LRRIQ3: variants seen among roughly 807,000 people sequenced by gnomAD.
LRRIQ3 encodes the protein leucine-rich repeat and IQ domain-containing protein 3.
Under a neutral mutation model 59.3 loss-of-function variants are expected in LRRIQ3, and 75 were observed. That is an observed-to-expected ratio of 1.26 (90% CI 1.05 to 1.53). The LOEUF is 1.53. Among genes scored for constraint, LRRIQ3 ranks in the 40% most tolerant of loss-of-function variants. The pLI is 0.00. For missense variants in LRRIQ3, 831 were observed against 710.0 expected (o/e 1.17, Z -1.94); for synonymous variants, 250 against 231.3 (o/e 1.08, Z -0.73).
At chr1:74,086,134 C>A (rs1312097693) in intron 5 of LRRIQ3, among the ~76,000 whole-genome samples, 1 of 152,070 alleles carries the variant, frequency 6.6e-6, no homozygotes, top group East Asian at 1.9e-4. Flanking sequence ...AACAGCCTAA[C>A]ATATAATGCT....
intron 6 of LRRIQ3, 94 bp from the exon 7 acceptor site, chr1:74,042,027 T>G (rs7538410): frequency 0.91 from 1,125,719 of 1,235,450 alleles, 515,126 homozygotes; most frequent in East Asian, 0.97. Context: ...ATAAGAACCT[T>G]TTATTTACTT....
chr1:74,185,850 G>A (rs573711395), intron 1 of LRRIQ3, among the ~76,000 whole-genome samples: 2 of 152,004 alleles, frequency 1.3e-5, no homozygotes, highest in African/African-American at 4.8e-5. Context: ...GGCTGAGGCA[G>A]GAGAATGGTG....
At position 74,077,049 on chromosome 1, in the gene LRRIQ3, G is replaced by T. The variant is rs369221563; in HGVS notation, c.868-2259C>A. ...AAAATATGACACAATTTTAAGTAAT[G>T]CTGCTTCTATTTTCATTTAGGCCCT... is the stretch of plus-strand genomic sequence containing the variant. On this transcript the variant is annotated intron_variant, in intron 5 of 7. Transcript: ENST00000354431. Among the ~76,000 whole-genome samples the T allele has an allele frequency of 1.2e-3, 182 of 152,092 alleles. 1 individual carries two copies. The highest frequency in any genetic ancestry group is 4.3e-3 in the African/African-American group (179 of 41,534).
At chr1:74,046,704 T>TGTAG (rs1654214702) in intron 6 of LRRIQ3, among the ~76,000 whole-genome samples, 1 of 152,070 alleles carries the variant, frequency 6.6e-6, no homozygotes, top group African/African-American at 2.4e-5. Context: ...GTCCATCTGA[T>TGTAG]GTAGGCCTAA....
intron 7 of LRRIQ3, among the ~76,000 whole-genome samples, chr1:74,030,995 A>G (rs1156697634): frequency 6.6e-6 from 1 of 152,234 alleles, no homozygotes; most frequent in Non-Finnish European, 1.5e-5. Flanking sequence ...TATGCAGCCA[A>G]CAGACACATG....
chr1:74,076,886 T>C (rs1436322928), intron 5 of LRRIQ3, among the ~76,000 whole-genome samples: 1 of 152,114 alleles, frequency 6.6e-6, no homozygotes, highest in Non-Finnish European at 1.5e-5. Context: ...TCACTCTTTA[T>C]GTGATAAAAT....
At chr1:74,062,859 A>G (rs1415816022) in intron 6 of LRRIQ3, among the ~76,000 whole-genome samples, 5 of 151,990 alleles carry the variant, frequency 3.3e-5, no homozygotes, top group African/African-American at 1.2e-4. Flanking sequence ...GAGGGTGAGG[A>G]GTGAAAAAAT....
chr1:74,167,803 A>G (rs1049248197), intron 3 of LRRIQ3, among the ~76,000 whole-genome samples: 7 of 151,798 alleles, frequency 4.6e-5, no homozygotes, highest in African/African-American at 1.7e-4. Context: ...ACAATTAAAA[A>G]CATAAAATAA....
chr1:74,093,898 C>A (rs1483533879), intron 5 of LRRIQ3, among the ~76,000 whole-genome samples: 1 of 152,082 alleles, frequency 6.6e-6, no homozygotes, highest in African/African-American at 2.4e-5. Context: ...TCCTAATCCC[C>A]TGAACCCTGT....
At chr1:74,106,450 T>C (rs1451476227) in intron 5 of LRRIQ3, among the ~76,000 whole-genome samples, 1 of 152,022 alleles carries the variant, frequency 6.6e-6, no homozygotes, top group Non-Finnish European at 1.5e-5. Flanking sequence ...TATTTCCTTT[T>C]GGCTCCCATG....
At chr1:74,072,658 A>T (rs1655060778) in intron 6 of LRRIQ3, among the ~76,000 whole-genome samples, 1 of 152,062 alleles carries the variant, frequency 6.6e-6, no homozygotes, top group Admixed American at 6.6e-5. Context: ...GGGGCAATTT[A>T]TGCTCACATT....
At chr1:74,061,620 T>G (rs1381791740) in intron 6 of LRRIQ3, among the ~76,000 whole-genome samples, 1 of 152,112 alleles carries the variant, frequency 6.6e-6, no homozygotes, top group African/African-American at 2.4e-5. Flanking sequence ...ATTAAATACT[T>G]AAATGTAAAA....
intron 3 of LRRIQ3, among the ~76,000 whole-genome samples, chr1:74,157,424 G>A (rs983944307): frequency 1.3e-5 from 2 of 152,028 alleles, no homozygotes; most frequent in African/African-American, 4.8e-5. Flanking sequence ...AGCACTATCT[G>A]TTCATATATA....
intron 5 of LRRIQ3, among the ~76,000 whole-genome samples, chr1:74,075,491 C>T (rs965861949): frequency 4.6e-5 from 7 of 151,786 alleles, no homozygotes; most frequent in African/African-American, 1.7e-4. Context: ...TACTTGAACC[C>T]AGCAGGCGGA....
intron 4 of LRRIQ3, among the ~76,000 whole-genome samples, chr1:74,154,753 T>A (rs1423247829): frequency 6.6e-6 from 1 of 152,208 alleles, no homozygotes; most frequent in Non-Finnish European, 1.5e-5. Flanking sequence ...TTTCAGCAAC[T>A]GCCTGATTGA....
intron 4 of LRRIQ3, among the ~76,000 whole-genome samples, chr1:74,120,983 C>T (rs1646846702): frequency 6.6e-6 from 1 of 152,168 alleles, no homozygotes; most frequent in East Asian, 1.9e-4. Flanking sequence ...GTTCCTGATG[C>T]TGGGCAGTAA....
At chr1:74,176,072 C>G (rs34018059) in intron 3 of LRRIQ3, among the ~76,000 whole-genome samples, 48,297 of 151,964 alleles carry the variant, frequency 0.32, 8,526 homozygotes, top group Middle Eastern at 0.45. Flanking sequence ...TTCTTCCTTC[C>G]TGATATTCCA....
intron 6 of LRRIQ3, among the ~76,000 whole-genome samples, chr1:74,058,508 G>C (rs1028779246): frequency 6.6e-6 from 1 of 152,026 alleles, no homozygotes; most frequent in Admixed American, 6.6e-5. Flanking sequence ...ATATATGGAA[G>C]CTAAAAAAGT....
chr1:74,170,916 T>C (rs539328238), intron 3 of LRRIQ3, among the ~76,000 whole-genome samples: 2 of 152,286 alleles, frequency 1.3e-5, no homozygotes, highest in South Asian at 2.1e-4. Flanking sequence ...CTATGTATTT[T>C]ATTCTTTCTG....
Sources: gnomAD v4.1 joint callset for allele counts (sites outside exome capture counted in the v4.1 genomes callset) on GRCh38, gnomAD v4.1.1 for gene constraint, MANE v1.5 for transcripts, NCBI Gene and HGNC (gene_info 2026-07-23, HGNC 2026-07-21) for gene names.